NUBPL: variants seen among roughly 807,000 people sequenced by gnomAD.
NUBPL encodes iron-sulfur cluster transfer protein NUBPL.
In NUBPL, 31 loss-of-function variants were observed where a neutral mutation model predicts 45.7. The observed-to-expected ratio is 0.68, with a 90% confidence interval of 0.51 to 0.92. NUBPL has a LOEUF of 0.92. NUBPL is among the 40% of genes least tolerant of loss of function. The pLI, the probability that NUBPL is intolerant of heterozygous loss-of-function variation, is 0.00. For synonymous variants in NUBPL, 144 were observed against 140.9 expected, an observed-to-expected ratio of 1.02 and a Z score of -0.15; for missense variants, 401 against 398.7, an observed-to-expected ratio of 1.01 and a Z score of -0.05.
At chr14:31,741,218 T>A (rs2038276524) in intron 6 of NUBPL, among the ~76,000 whole-genome samples, 1 of 152,282 alleles carries the variant, frequency 6.6e-6, no homozygotes, top group African/African-American at 2.4e-5. Flanking sequence ...TTGCTTTAAA[T>A]AGGTTTTTAG....
intron 6 of NUBPL, among the ~76,000 whole-genome samples, chr14:31,725,053 A>T (rs1053398475): frequency 6.6e-6 from 1 of 152,060 alleles, no homozygotes; most frequent in Non-Finnish European, 1.5e-5. Flanking sequence ...TTTGAACTTT[A>T]TTCCAAATAT....
intron 2 of NUBPL, among the ~76,000 whole-genome samples, chr14:31,564,287 C>T (rs987458559): frequency 6.6e-5 from 10 of 152,122 alleles, no homozygotes; most frequent in African/African-American, 2.4e-4. Context: ...TACTCTCTTA[C>T]CTTTTACCCT....
chr14:31,803,124 T>C (rs1009419165), intron 7 of NUBPL, among the ~76,000 whole-genome samples: 1 of 152,222 alleles, frequency 6.6e-6, no homozygotes, highest in Non-Finnish European at 1.5e-5. Context: ...TGAAGAAACC[T>C]ATTGGGGATT....
chr14:31,606,099 C>CTTTTTTTTTTTTTTTTTT (rs56899102), intron 4 of NUBPL, among the ~76,000 whole-genome samples: 1 of 120,524 alleles, frequency 8.3e-6, no homozygotes, highest in Non-Finnish European at 1.7e-5. Context: ...CTTTTCTTTT[C>CTTTTTTTTTTTTTTTTTT]TTTTTTTTTT....
intron 4 of NUBPL, among the ~76,000 whole-genome samples, chr14:31,656,011 C>G (rs1358032048): frequency 2.6e-5 from 4 of 152,156 alleles, no homozygotes; most frequent in Non-Finnish European, 4.4e-5. Context: ...ATTATCTTAG[C>G]TAGATCTTCT....
intron 10 of NUBPL, among the ~76,000 whole-genome samples, chr14:31,854,571 C>A (rs901367827): frequency 6.6e-6 from 1 of 152,166 alleles, no homozygotes; most frequent in African/African-American, 2.4e-5. Context: ...TCTGTACCAA[C>A]AATTCACATG....
intron 4 of NUBPL, among the ~76,000 whole-genome samples, chr14:31,616,209 C>T (rs1047874153): frequency 3.9e-5 from 6 of 152,094 alleles, no homozygotes; most frequent in African/African-American, 7.2e-5. Context: ...GGATAGATTG[C>T]AAAAATTTTC....
chr14:31,699,297 G>A (rs2037282692), intron 6 of NUBPL, among the ~76,000 whole-genome samples: 1 of 152,172 alleles, frequency 6.6e-6, no homozygotes, highest in South Asian at 2.1e-4. Context: ...AATGCAGAAA[G>A]CATCAAATTA....
intron 1 of NUBPL, 26 bp from the exon 2 acceptor site, chr14:31,562,042 C>A (rs1213972577): frequency 6.4e-7 from 1 of 1,551,328 alleles, no homozygotes; most frequent in Non-Finnish European, 8.7e-7. Context: ...TTTAAAACGG[C>A]TTTTTATTAT....
At chr14:31,717,134 C>T (rs1372624469) in intron 6 of NUBPL, among the ~76,000 whole-genome samples, 4 of 152,080 alleles carry the variant, frequency 2.6e-5, no homozygotes, top group Non-Finnish European at 5.9e-5. Context: ...GAAAAAGGTC[C>T]TTCTTTATCT....
intron 3 of NUBPL, among the ~76,000 whole-genome samples, chr14:31,568,240 T>G (rs1411401445): frequency 6.6e-6 from 1 of 152,126 alleles, no homozygotes. Flanking sequence ...TCTTTTAATT[T>G]GGTTATCATT....
intron 4 of NUBPL, among the ~76,000 whole-genome samples, chr14:31,664,821 C>T (rs968653738): frequency 2.0e-5 from 3 of 152,126 alleles, no homozygotes; most frequent in African/African-American, 7.2e-5. Flanking sequence ...GTAGCAGCTC[C>T]TCTTTGTACC....
At chr14:31,850,665 G>A (rs919117917) in intron 10 of NUBPL, among the ~76,000 whole-genome samples, 1 of 151,892 alleles carries the variant, frequency 6.6e-6, no homozygotes, top group African/African-American at 2.4e-5. Flanking sequence ...CTGTCACCCA[G>A]GCTGGAGTAC....
chr14:31,576,939 C>T (rs572210493), intron 3 of NUBPL, among the ~76,000 whole-genome samples: 1 of 152,302 alleles, frequency 6.6e-6, no homozygotes, highest in South Asian at 2.1e-4. Context: ...ATGGCAGCCT[C>T]AGTGTAATTG....
At chr14:31,761,767 A>C (rs2038815165) in intron 6 of NUBPL, among the ~76,000 whole-genome samples, 1 of 152,176 alleles carries the variant, frequency 6.6e-6, no homozygotes, top group Non-Finnish European at 1.5e-5. Flanking sequence ...AGCAACACTG[A>C]TATTTGATCC....
At chr14:31,808,719 T>C (rs1360090462) in intron 7 of NUBPL, among the ~76,000 whole-genome samples, 2 of 152,270 alleles carry the variant, frequency 1.3e-5, no homozygotes, top group Non-Finnish European at 2.9e-5. Flanking sequence ...ATGCTTCCAG[T>C]TTTTGCCCAT....
chr14:31,669,014 A>C (rs181813635), intron 4 of NUBPL, among the ~76,000 whole-genome samples: 2 of 152,080 alleles, frequency 1.3e-5, no homozygotes, highest in African/African-American at 4.8e-5. Context: ...TTATTTATTA[A>C]ATTTTAAAAT....
intron 10 of NUBPL, among the ~76,000 whole-genome samples, chr14:31,856,341 C>T (rs2040619528): frequency 6.6e-6 from 1 of 152,072 alleles, no homozygotes; most frequent in South Asian, 2.1e-4. Flanking sequence ...CAGGTTCTTC[C>T]CATGACACAT....
At chr14:31,831,576 A>G (rs1246874474) in intron 8 of NUBPL, among the ~76,000 whole-genome samples, 1 of 151,998 alleles carries the variant, frequency 6.6e-6, no homozygotes, top group East Asian at 1.9e-4. Context: ...TGGAAGATGT[A>G]GTTTCTCGCT....
Sources: allele counts gnomAD v4.1 joint callset (sites outside exome capture counted in the v4.1 genomes callset), GRCh38; gene constraint gnomAD v4.1.1; transcripts MANE v1.5; gene names NCBI Gene and HGNC (gene_info 2026-07-23, HGNC 2026-07-21).